CNTNAP5: variants seen among roughly 807,000 people sequenced by gnomAD.
CNTNAP5 encodes the protein contactin associated protein family member 5, also known as contactin-associated protein-like 5.
A neutral mutation model predicts 150.2 loss-of-function variants in CNTNAP5; 72 were observed. The ratio of observed to expected loss-of-function variants is 0.48; its 90% CI spans 0.40 to 0.58. The LOEUF (loss-of-function observed/expected upper bound fraction) is 0.58. Among genes scored for constraint, CNTNAP5 ranks in the 20% least tolerant of loss-of-function variants. The pLI, the probability that CNTNAP5 is intolerant of heterozygous loss-of-function variation, is 0.00. For missense variants in CNTNAP5, 1,636 were observed against 1,626.2 expected, an observed-to-expected ratio of 1.01 and a Z score of -0.10; for synonymous variants, 672 against 619.8, an observed-to-expected ratio of 1.08 and a Z score of -1.25.
chr2:124,288,916 A>G (rs1235471994), intron 3 of CNTNAP5, among the ~76,000 whole-genome samples: 2 of 152,218 alleles, frequency 1.3e-5, no homozygotes, highest in African/African-American at 2.4e-5. Context: ...AAAATTGGCT[A>G]TGAATGTAGT....
chr2:124,190,137 T>G (rs1286394826), intron 1 of CNTNAP5, among the ~76,000 whole-genome samples: 1 of 152,250 alleles, frequency 6.6e-6, no homozygotes, highest in African/African-American at 2.4e-5. Flanking sequence ...CCACTTTTTC[T>G]AAGTACTCTT....
At chr2:124,757,884 A>G (rs954104358) in intron 14 of CNTNAP5, among the ~76,000 whole-genome samples, 5 of 152,238 alleles carry the variant, frequency 3.3e-5, no homozygotes, top group Non-Finnish European at 7.3e-5. Context: ...ACAGTGATTT[A>G]AAATAGAATT....
chr2:124,237,271 C>T (rs576556394), intron 2 of CNTNAP5, among the ~76,000 whole-genome samples: 1 of 152,260 alleles, frequency 6.6e-6, no homozygotes, highest in East Asian at 1.9e-4. Flanking sequence ...TATCGTTTTG[C>T]AGAGACTAGT....
chr2:124,390,309 G>T (rs1004503818), intron 3 of CNTNAP5, among the ~76,000 whole-genome samples: 9 of 152,146 alleles, frequency 5.9e-5, no homozygotes, highest in African/African-American at 1.9e-4. Flanking sequence ...AAATAGCTTA[G>T]CAGCTAATCC....
intron 1 of CNTNAP5, among the ~76,000 whole-genome samples, chr2:124,033,464 TTTC>T (rs899130908): frequency 2.0e-5 from 3 of 152,204 alleles, no homozygotes; most frequent in Non-Finnish European, 2.9e-5. Context: ...CTTCTCACAC[TTTC>T]TTCTTCTCTT....
chr2:124,485,318 T>A (rs970903629), intron 7 of CNTNAP5, among the ~76,000 whole-genome samples: 5 of 152,044 alleles, frequency 3.3e-5, no homozygotes, highest in Non-Finnish European at 7.4e-5. Flanking sequence ...CCTCTTCAAG[T>A]AGGTGCAGTT....
intron 18 of CNTNAP5, among the ~76,000 whole-genome samples, chr2:124,793,707 G>A (rs983527162): frequency 6.6e-6 from 1 of 152,016 alleles, no homozygotes; most frequent in Non-Finnish European, 1.5e-5. Flanking sequence ...TGTGAGGTAG[G>A]GGGTCCAGCT....
At chr2:124,174,339 T>G (rs1419605032) in intron 1 of CNTNAP5, among the ~76,000 whole-genome samples, 1 of 152,200 alleles carries the variant, frequency 6.6e-6, no homozygotes, top group Non-Finnish European at 1.5e-5. Context: ...GTTCTTCTGA[T>G]GGATCTGGGT....
chr2:124,478,540 A>G (rs772414556), intron 7 of CNTNAP5, among the ~76,000 whole-genome samples: 1 of 152,116 alleles, frequency 6.6e-6, no homozygotes, highest in East Asian at 1.9e-4. Context: ...ACACCCACAC[A>G]CATATTTATA....
chr2:124,151,934 C>CAACT (rs1684414487), intron 1 of CNTNAP5, among the ~76,000 whole-genome samples: 1 of 152,148 alleles, frequency 6.6e-6, no homozygotes, highest in Non-Finnish European at 1.5e-5. Context: ...AAGGAAATTA[C>CAACT]AACTTCTTAA....
chr2:124,145,806 A>G (rs1264657960), intron 1 of CNTNAP5, among the ~76,000 whole-genome samples: 1 of 47,700 alleles, frequency 2.1e-5, no homozygotes, highest in Non-Finnish European at 3.7e-5. Flanking sequence ...AAAAAAAAAA[A>G]AACATTAAAA....
At chr2:124,524,741 T>G (rs1453196718) in intron 9 of CNTNAP5, among the ~76,000 whole-genome samples, 2 of 152,170 alleles carry the variant, frequency 1.3e-5, no homozygotes, top group East Asian at 3.9e-4. Flanking sequence ...TTTGTAGCCA[T>G]GCCAAGCCCT....
intron 19 of CNTNAP5, among the ~76,000 whole-genome samples, chr2:124,819,126 A>G (rs1417642141): frequency 6.6e-6 from 1 of 151,954 alleles, no homozygotes. Flanking sequence ...TCTGCCTTCT[A>G]CTTGGCTTGG....
chr2:124,274,946 G>T (rs1558830237), intron 3 of CNTNAP5, among the ~76,000 whole-genome samples: 1 of 152,142 alleles, frequency 6.6e-6, no homozygotes, highest in African/African-American at 2.4e-5. Context: ...AGACTGGGAA[G>T]AAAAAGAGGT....
At chr2:124,891,489 G>A (rs1052281419) in intron 21 of CNTNAP5, among the ~76,000 whole-genome samples, 3 of 152,024 alleles carry the variant, frequency 2.0e-5, no homozygotes, top group Non-Finnish European at 4.4e-5. Context: ...TGTCCTTTTT[G>A]ATCTACAATA....
chr2:124,882,764 G>A (rs957053911), intron 21 of CNTNAP5, among the ~76,000 whole-genome samples: 4 of 152,046 alleles, frequency 2.6e-5, no homozygotes, highest in African/African-American at 9.7e-5. Context: ...TAAAGAAAAA[G>A]AGGTTTAGAA....
intron 1 of CNTNAP5, among the ~76,000 whole-genome samples, chr2:124,128,468 G>C (rs989446915): frequency 2.6e-5 from 4 of 152,176 alleles, no homozygotes; most frequent in Admixed American, 2.0e-4. Context: ...TGGTGGGACT[G>C]TAAACTAGTT....
chr2:124,711,700 G>T (rs924857508), intron 13 of CNTNAP5, among the ~76,000 whole-genome samples: 13 of 152,036 alleles, frequency 8.6e-5, no homozygotes, highest in African/African-American at 3.1e-4. Flanking sequence ...AATTAGCCAG[G>T]CAGGGTGGCA....
At chr2:124,290,767 T>C (rs1273870639) in intron 3 of CNTNAP5, among the ~76,000 whole-genome samples, 2 of 152,174 alleles carry the variant, frequency 1.3e-5, no homozygotes, top group African/African-American at 4.8e-5. Context: ...TGTTTCATGG[T>C]CCTGAACTTT....
Sources: allele counts gnomAD v4.1 joint callset (sites outside exome capture counted in the v4.1 genomes callset), GRCh38; gene constraint gnomAD v4.1.1; transcripts MANE v1.5; gene names NCBI Gene and HGNC (gene_info 2026-07-23, HGNC 2026-07-21).